The following ANK1 variants were observed in gnomAD, a reference collection of about 807,000 sequenced individuals.
ANK1 encodes the protein ankyrin 1, also known as ankyrin-1.
A neutral mutation model predicts 210.4 loss-of-function variants in ANK1; 51 were observed. The ratio of observed to expected loss-of-function variants is 0.24; its 90% CI spans 0.19 to 0.31. The LOEUF (loss-of-function observed/expected upper bound fraction) is 0.31, where lower values mean the gene tolerates loss of function less well. Among genes scored for constraint, ANK1 ranks in the 10% least tolerant of loss-of-function variants. The probability of loss-of-function intolerance (pLI) is 1.00; values close to 1 mark genes in which losing one functional copy is unlikely to be tolerated. For missense variants in ANK1, 2,051 were observed against 2,504.4 expected (o/e 0.82, Z 3.86); for synonymous variants, 967 against 1,025.9 (o/e 0.94, Z 1.10).
At position 41,672,698 on chromosome 8, in the gene ANK1, A is replaced by C. The variant is rs200897610; in HGVS notation, c.4752T>G (p.Ser1584=). The C allele has an allele frequency of 1.3e-5, 21 of 1,613,240 alleles. No individual in the cohort carries two copies. The highest frequency in any genetic ancestry group is 2.5e-6 in the Non-Finnish European group (3 of 1,179,374). The part of the protein sequence containing the change: ...TPSLVTAEDS[S]LECSKAEDSD... ...AGTCCTCAGCCTTGCTACACTCCAG[A>C]GAGGAGTCCTCAGCAGTGACCAGAG... Residue 1584 remains serine, a synonymous_variant, in exon 38 of 43, where the codon TCT becomes TCG. Transcript: ENST00000289734.
In ANK1 at chr8:41,694,833, G is replaced by A. The variant is rs200946169; in HGVS notation, c.3116-30C>T. ...AATCACACACACAGGCCACCACCCC[G>A]GTCACATCAGGCACAGGTTCAGGAC... On this transcript the variant is annotated intron_variant, in intron 27 of 42. Transcript: ENST00000289734. The surrounding 1 kb of genome is among the most constrained non-coding windows in gnomAD (Gnocchi z 5.7). The A allele has an allele frequency of 3.2e-5, 51 of 1,607,858 alleles. No individual in the cohort carries two copies. The Middle Eastern group carries it at 5.0e-4, about 16-fold the overall frequency.
At chr8:41,803,112 AG>A (rs1441765313) in intron 1 of ANK1, among the ~76,000 whole-genome samples, 2 of 147,782 alleles carry the variant, frequency 1.4e-5, no homozygotes, top group Non-Finnish European at 3.0e-5. Flanking sequence ...AGGAAAGGAA[AG>A]GAAAGGAAAG....
chr8:41,689,583 A>G (rs1390396455), intron 33 of ANK1, among the ~76,000 whole-genome samples: 2 of 152,256 alleles, frequency 1.3e-5, no homozygotes, highest in Non-Finnish European at 2.9e-5. Context: ...GCAAAACAAC[A>G]GCAACGAAAA....
rs1824034547 is a variant in ANK1, at chr8:41,704,552, CAA to C, written c.2098-82_2098-81del. On this transcript the variant is annotated intron_variant, in intron 18 of 42. Coordinates refer to ENST00000289734, the MANE Select transcript of ANK1 (RefSeq NM_000037.4). The surrounding 1 kb of genome is among the most constrained non-coding windows in gnomAD (Gnocchi z 4.1). ...GAAATCCTTCCCAAAGCAGCTGATT[CAA>C]AGAGAGAACGGACAGGGAGCCCCTT... The C allele has an allele frequency of 7.8e-7, 1 of 1,285,750 alleles. No individual in the cohort carries two copies. The highest frequency in any genetic ancestry group is 1.1e-6 in the Non-Finnish European group (1 of 884,586). The allele number at this position is 1,285,750 out of a possible 1,614,324, so 79.6% of individuals were successfully genotyped here. A position where few individuals can be genotyped will look rare whatever the true frequency, so the allele number is the denominator to read the frequency against.
At chr8:41,700,383 A>G in intron 22 of ANK1, 1 of 1,588,366 alleles carries the variant, frequency 6.3e-7, no homozygotes, top group Non-Finnish European at 8.6e-7. Flanking sequence ...TTAGGGTGAA[A>G]TGCACTCTAG....
At chr8:41,683,265 G>C (rs1197757520) in intron 37 of ANK1, among the ~76,000 whole-genome samples, 2 of 152,152 alleles carry the variant, frequency 1.3e-5, no homozygotes, top group Non-Finnish European at 2.9e-5. Flanking sequence ...ACGATAGCGT[G>C]AGTGCACAGA....
chr8:41,780,621 G>A (rs953706381), intron 1 of ANK1, among the ~76,000 whole-genome samples: 5 of 152,342 alleles, frequency 3.3e-5, no homozygotes, highest in East Asian at 1.9e-4. Flanking sequence ...CTGAGGCCTT[G>A]GCAGCGCTGG....
In ANK1 at chr8:41,725,902, C is replaced by T; in HGVS notation, c.471G>A (p.Glu157=). 1 of 1,613,696 alleles carries T rather than the reference C, an allele frequency of 6.2e-7. No homozygotes were observed. The highest frequency in any genetic ancestry group is 2.2e-5 in the East Asian group (1 of 44,872). ...AGTTGATGAGGTGCGCGACGACGTT[C>T]TCATGGCCCTGCTGCAGGGCTACCG... The part of the protein sequence containing the change: ...PLAVALQQGH[E]NVVAHLINYG... Residue 157 remains glutamate (E), a synonymous_variant, in exon 6 of 43, where the codon GAG becomes GAA. Coordinates refer to ENST00000289734, the MANE Select transcript of ANK1 (RefSeq NM_000037.4).
chr8:41,833,107 G>T (rs1188800783), intron 1 of ANK1, among the ~76,000 whole-genome samples: 2 of 152,218 alleles, frequency 1.3e-5, no homozygotes. Flanking sequence ...GGGAGGGAAA[G>T]GCACACCAGC....
intron 7 of ANK1, 119 bp from the exon 8 acceptor site, chr8:41,723,752 G>T: frequency 1.3e-6 from 1 of 756,538 alleles, no homozygotes; most frequent in Non-Finnish European, 2.3e-6. Flanking sequence ...CGTTGTCAGG[G>T]CATTTCTGGC....
chr8:41,848,451 C>T (rs1587400977), intron 1 of ANK1, among the ~76,000 whole-genome samples: 2 of 152,322 alleles, frequency 1.3e-5, no homozygotes, highest in South Asian at 4.1e-4. Flanking sequence ...CGTGCAGCAC[C>T]ATTGGTCCCT....
chr8:41,888,666 G>A (rs188780693), intron 1 of ANK1, among the ~76,000 whole-genome samples: 17 of 152,332 alleles, frequency 1.1e-4, no homozygotes. Context: ...ATATAGAGAA[G>A]ATGTTGACTT....
chr8:41,797,429 G>T lies in ANK1; in HGVS notation c.27+83C>A. 7.6e-7 allele frequency: 1 copy of T among 1,310,166 alleles called. No individual in the cohort carries two copies. Among genetic ancestry groups the T allele is most frequent in the Non-Finnish European group, 1.1e-6 (1 of 926,026 alleles). 81.2% of individuals were successfully genotyped at this position (1,310,166 alleles called of 1,614,324 possible). On this transcript the variant is annotated intron_variant, in intron 1 of 42. Coordinates refer to ENST00000289734, the MANE Select transcript of ANK1 (RefSeq NM_000037.4). The surrounding 1 kb of genome is among the most constrained non-coding windows in gnomAD (Gnocchi z 4.0). ...GGGTGGGGTGTGCAAAGCTGCTCTT[G>T]CTCGCGTGCTGCCTACTGGCGCGGC...
chr8:41,884,730 G>A (rs953394242), intron 1 of ANK1, among the ~76,000 whole-genome samples: 5 of 152,112 alleles, frequency 3.3e-5, no homozygotes, highest in Admixed American at 3.3e-4. Context: ...CTACTCAGAG[G>A]CTGTGTTGGG....
At chr8:41,800,559 A>C (rs1451714177), upstream of ANK1, among the ~76,000 whole-genome samples, 2 of 152,100 alleles carry the variant, frequency 1.3e-5, no homozygotes, top group Non-Finnish European at 2.9e-5. Flanking sequence ...TGTGCCCATG[A>C]CCCAGCTAAC....
At chr8:41,665,316 A>C (rs1585856942) in intron 39 of ANK1, 8 of 1,362,008 alleles carry the variant, frequency 5.9e-6, no homozygotes, top group East Asian at 3.7e-5. Flanking sequence ...ACCTCCCCAA[A>C]CCAGCTGCCG....
chr8:41,879,693 G>A (rs146154788), intron 1 of ANK1, among the ~76,000 whole-genome samples: 1 of 152,236 alleles, frequency 6.6e-6, no homozygotes, highest in African/African-American at 2.4e-5. Flanking sequence ...GCTTCCCCCG[G>A]CGAGTGAGAA....
intron 1 of ANK1, among the ~76,000 whole-genome samples, chr8:41,859,093 G>A (rs1200495027): frequency 2.6e-5 from 4 of 152,240 alleles, no homozygotes; most frequent in African/African-American, 4.8e-5. Flanking sequence ...CAAGGGAATC[G>A]GGTCCTGGGG....
intron 10 of ANK1, among the ~76,000 whole-genome samples, chr8:41,718,742 C>T (rs1347355548): frequency 1.3e-5 from 2 of 152,236 alleles, no homozygotes; most frequent in East Asian, 3.9e-4. Context: ...GGGGGGGTAT[C>T]GTTTGCACCT....
Sources: allele counts gnomAD v4.1 joint callset (sites outside exome capture counted in the v4.1 genomes callset), GRCh38; gene constraint gnomAD v4.1.1; non-coding constraint Gnocchi (gnomAD v3.1); transcripts MANE v1.5; gene names NCBI Gene and HGNC (gene_info 2026-07-23, HGNC 2026-07-21).